The following LPCAT1 variants were observed in gnomAD, a reference collection of about 807,000 sequenced individuals.
LPCAT1 encodes the protein 1-acylglycerol-3-phosphate O-acyltransferase.
Under a neutral mutation model 60.9 loss-of-function variants are expected in LPCAT1, and 23 were observed. The ratio of observed to expected loss-of-function variants is 0.38; its 90% CI spans 0.27 to 0.53. The LOEUF (loss-of-function observed/expected upper bound fraction) is 0.53, where lower values mean the gene tolerates loss of function less well. Ranked by LOEUF, LPCAT1 falls within the 20% of genes least tolerant of loss-of-function variation. The probability of loss-of-function intolerance (pLI) is 0.82; values close to 1 mark genes in which losing one functional copy is unlikely to be tolerated. For missense variants in LPCAT1, 622 were observed against 723.6 expected (o/e 0.86, Z 1.61); for synonymous variants, 340 against 301.1 (o/e 1.13, Z -1.34).
rs370820131 is a variant in LPCAT1 at position 1,494,759 on chromosome 5, G to C, written c.434C>G (p.Thr145Ser). ...CATCACGATGGAGGACATCGTCATG[G>C]TCACAGGGATGGCGTCGAAGTAGGA... The part of the protein sequence containing the change: ...HSSYFDAIPV[T>S]MTMSSIVMKA... Residue 145 changes from threonine to serine, a missense_variant, in exon 3 of 14, where the codon ACC becomes AGC. Around this residue, in one of 3 missense-constraint regions of LPCAT1, gnomAD observed 209 missense variants for 325.5 expected, o/e 0.64. Coordinates refer to ENST00000283415, the MANE Select transcript of LPCAT1 (RefSeq NM_024830.5). The C allele has an allele frequency of 6.2e-7, 1 of 1,614,238 alleles. No homozygotes were observed.
chr5:1,486,679 C>T (rs1027188196), intron 5 of LPCAT1, among the ~76,000 whole-genome samples: 3 of 152,012 alleles, frequency 2.0e-5, no homozygotes, highest in Non-Finnish European at 2.9e-5. Context: ...GGATCACGCA[C>T]CACACACCAA....
chr5:1,490,617 T>C (rs1735541033), intron 3 of LPCAT1, among the ~76,000 whole-genome samples: 1 of 152,176 alleles, frequency 6.6e-6, no homozygotes, highest in South Asian at 2.1e-4. Context: ...ACCAGCTTTG[T>C]GGTGCTTTGT....
intron 1 of LPCAT1, among the ~76,000 whole-genome samples, chr5:1,512,455 T>C (rs114580709): frequency 3.9e-5 from 6 of 152,340 alleles, no homozygotes; most frequent in East Asian, 1.9e-4. Context: ...TCAAGGGCCA[T>C]AGACCCCCAA....
intron 1 of LPCAT1, among the ~76,000 whole-genome samples, chr5:1,518,538 C>T (rs1031222749): frequency 6.6e-6 from 1 of 152,222 alleles, no homozygotes; most frequent in Non-Finnish European, 1.5e-5. Flanking sequence ...GACGGGGTTT[C>T]ACCGTGTTAG....
At position 1,461,582 on chromosome 5, in the gene LPCAT1, C is replaced by G. The variant is rs1704586209; in HGVS notation, c.*2069G>C. 1 of 152,712 alleles carries G rather than the reference C, an allele frequency of 6.5e-6. No individual in the cohort carries two copies. Among genetic ancestry groups the G allele is most frequent in the African/African-American group, 2.4e-5 (1 of 41,460 alleles). The allele number at this position is 152,712 out of a possible 1,614,324, so 9.5% of individuals were successfully genotyped here. On this transcript the variant is annotated 3_prime_UTR_variant, in exon 14 of 14. Coordinates refer to ENST00000283415, the MANE Select transcript of LPCAT1 (RefSeq NM_024830.5). ...GTCTGGCCCCCAGGCCACCAGGGGC[C>G]CGCTGCGTCCTGTCTCACACACAAG...
chr5:1,518,397 G>C (rs959410109), intron 1 of LPCAT1, among the ~76,000 whole-genome samples: 115 of 152,350 alleles, frequency 7.5e-4, no homozygotes, highest in African/African-American at 2.7e-3. Context: ...CTGGAGTGCA[G>C]TGGTGCGATC....
At chr5:1,509,513 T>C (rs190869105) in intron 1 of LPCAT1, among the ~76,000 whole-genome samples, 2 of 152,266 alleles carry the variant, frequency 1.3e-5, no homozygotes, top group African/African-American at 4.8e-5. Context: ...CTCTCAGGCA[T>C]CCCATCGGAC....
intron 5 of LPCAT1, 33 bp downstream of exon 5, chr5:1,488,358 G>C: frequency 1.4e-6 from 2 of 1,380,646 alleles, no homozygotes; most frequent in Non-Finnish European, 2.0e-6. Context: ...CTTTTCTCTA[G>C]GAGAAAAATA....
Position 1,462,141 on chromosome 5 carries a change from T to TC in LPCAT1, c.*1509dup, listed in dbSNP as rs1385988939. The TC allele has an allele frequency of 6.6e-6, 1 of 152,572 alleles. No homozygotes were observed. The highest frequency in any genetic ancestry group is 2.4e-5 in the African/African-American group (1 of 41,446). 9.5% of individuals were successfully genotyped at this position (152,572 alleles called of 1,614,324 possible). ...TCTGAGGAAGTTAGTAAACATTTTT[T>TC]CCCGTACTTACTGGCCTTGGTGGTC... On this transcript the variant is annotated 3_prime_UTR_variant, in exon 14 of 14. Transcript: ENST00000283415.
intron 1 of LPCAT1, among the ~76,000 whole-genome samples, chr5:1,506,839 C>T (rs1422313178): frequency 2.0e-5 from 3 of 152,168 alleles, no homozygotes; most frequent in African/African-American, 7.2e-5. Context: ...AGCAAGCGTG[C>T]GTTTACAGAC....
chr5:1,509,523 C>G (rs140119886), intron 1 of LPCAT1, among the ~76,000 whole-genome samples: 2 of 152,130 alleles, frequency 1.3e-5, no homozygotes, highest in Non-Finnish European at 2.9e-5. Context: ...TCCCATCGGA[C>G]GGAGCCGGCA....
At chr5:1,500,708 G>A (rs1735972875) in intron 2 of LPCAT1, among the ~76,000 whole-genome samples, 1 of 152,240 alleles carries the variant, frequency 6.6e-6, no homozygotes, top group South Asian at 2.1e-4. Flanking sequence ...GCCAGAAATG[G>A]GGATTTTGAT....
At chr5:1,512,008 G>A (rs1181586982) in intron 1 of LPCAT1, among the ~76,000 whole-genome samples, 1 of 152,188 alleles carries the variant, frequency 6.6e-6, no homozygotes, top group Non-Finnish European at 1.5e-5. Context: ...TCTGGAGGGT[G>A]GGCTGGGTCC....
At chr5:1,473,629 G>A (rs912820587) in intron 11 of LPCAT1, among the ~76,000 whole-genome samples, 2 of 152,344 alleles carry the variant, frequency 1.3e-5, no homozygotes, top group Middle Eastern at 3.4e-3. Flanking sequence ...GAGCAGCTCT[G>A]GTGAGCAGGG....
At chr5:1,488,277 A>G in intron 5 of LPCAT1, 114 bp downstream of exon 5, 1 of 623,620 alleles carries the variant, frequency 1.6e-6, no homozygotes, top group South Asian at 2.3e-5. Context: ...GAACCCCAGC[A>G]CACAGGATAA....
intron 3 of LPCAT1, among the ~76,000 whole-genome samples, chr5:1,492,434 T>C (rs575011516): frequency 6.6e-6 from 1 of 152,276 alleles, no homozygotes; most frequent in South Asian, 2.1e-4. Flanking sequence ...AGGTGCGCAG[T>C]AGAGGAGTCA....
Position 1,495,411 on chromosome 5 carries a change from G to A in LPCAT1, c.279-497C>T, listed in dbSNP as rs945192306. Among the ~76,000 whole-genome samples the A allele has an allele frequency of 5.9e-5, 9 of 152,066 alleles. No individual in the cohort carries two copies. The highest frequency in any genetic ancestry group is 3.3e-4 in the Admixed American group (5 of 15,268). ...CCCATCTCATCTCCACAGGAAGCCC[G>A]GGGTTCCCACAACCAGGCGTTGTGT... On this transcript the variant is annotated intron_variant, in intron 2 of 13. Coordinates refer to ENST00000283415, the MANE Select transcript of LPCAT1 (RefSeq NM_024830.5). This position sits in a 1 kb window ranked among gnomAD's most constrained non-coding sequence, Gnocchi z 4.7.
At chr5:1,497,693 C>T (rs1423925229) in intron 2 of LPCAT1, among the ~76,000 whole-genome samples, 1 of 152,212 alleles carries the variant, frequency 6.6e-6, no homozygotes, top group Non-Finnish European at 1.5e-5. Context: ...GCAGGAGCTG[C>T]TGGCTTCTGG....
intron 1 of LPCAT1, among the ~76,000 whole-genome samples, chr5:1,517,518 T>C (rs577695938): frequency 2.0e-4 from 31 of 152,332 alleles, no homozygotes; most frequent in African/African-American, 7.2e-4. Context: ...AAGGGCGCTC[T>C]GCCCCTGCAG....
Sources: gnomAD v4.1 joint callset for allele counts (sites outside exome capture counted in the v4.1 genomes callset) on GRCh38, gnomAD v4.1.1 for gene constraint, gnomAD v4.1.1 regional missense constraint, Gnocchi (gnomAD v3.1) non-coding constraint, MANE v1.5 for transcripts, NCBI Gene and HGNC (gene_info 2026-07-23, HGNC 2026-07-21) for gene names.